RIMS3: variants seen among roughly 807,000 people sequenced by gnomAD.
RIMS3 encodes regulating synaptic membrane exocytosis protein 3.
A neutral mutation model predicts 29.2 loss-of-function variants in RIMS3; 15 were observed. That is an observed-to-expected ratio of 0.51 (90% CI 0.34 to 0.79). The LOEUF is 0.79. RIMS3 is among the 30% of genes least tolerant of loss of function. The pLI, the probability that RIMS3 is intolerant of heterozygous loss-of-function variation, is 0.01. For missense variants in RIMS3, 342 were observed against 421.4 expected, an observed-to-expected ratio of 0.81 and a Z score of 1.65; for synonymous variants, 161 against 170.1, an observed-to-expected ratio of 0.95 and a Z score of 0.41.
intron 3 of RIMS3, among the ~76,000 whole-genome samples, chr1:40,638,182 C>T (rs1483148905): frequency 6.6e-6 from 1 of 152,168 alleles, no homozygotes; most frequent in African/African-American, 2.4e-5. Context: ...GCCGAGAGAG[C>T]TGGGACTAGA....
the RIMS3 span, among the ~76,000 whole-genome samples, chr1:40,670,692 A>G: frequency 1.4e-5 from 2 of 147,460 alleles, no homozygotes; most frequent in Non-Finnish European, 3.0e-5. Flanking sequence ...AGGTTGAAGC[A>G]ATTCTTCTGC....
At chr1:40,648,110 G>A (rs1305974333) in intron 1 of RIMS3, among the ~76,000 whole-genome samples, 1 of 152,114 alleles carries the variant, frequency 6.6e-6, no homozygotes, top group African/African-American at 2.4e-5. Flanking sequence ...ACTTGGCCAG[G>A]ACCAACTGCT....
intron 3 of RIMS3, among the ~76,000 whole-genome samples, chr1:40,640,231 A>G (rs942692549): frequency 1.3e-5 from 2 of 151,986 alleles, no homozygotes; most frequent in Admixed American, 6.6e-5. Context: ...TCCTTGTCCC[A>G]GCCCAATTTC....
rs186859726 is a variant in RIMS3 at position 40,665,157 on chromosome 1, T to G, written c.-207+237A>C. 1.6e-3 allele frequency among the ~76,000 whole-genome samples: 248 copies of G among 152,238 alleles called. 1 individual carries two copies. Among genetic ancestry groups the G allele is most frequent in the African/African-American group, 5.8e-3 (243 of 41,548 alleles). The stretch of plus-strand genomic sequence containing the variant: ...AGCATCAGCAAAGAACTCAAGACTC[T>G]GGGCCCCCTTCCCCATTTTCCAGGC... On this transcript the variant is annotated intron_variant, in intron 1 of 7. Transcript: ENST00000372684.
In RIMS3 at chr1:40,627,176, G is replaced by A. The variant is rs528206249; in HGVS notation, c.715-447C>T. Among the ~76,000 whole-genome samples the A allele has an allele frequency of 2.6e-5, 4 of 152,254 alleles. No homozygotes were observed. The South Asian group carries it at 6.2e-4, about 24-fold the overall frequency. On this transcript the variant is annotated intron_variant, in intron 7 of 7. Coordinates refer to ENST00000372684, the MANE Select transcript of RIMS3 (RefSeq NM_014747.3). ...GCTCTAGCTGTGCTGCTGGCTTGCC[G>A]TGGGACTTGTGTAAGCTCCATGCCC...
At chr1:40,658,403 G>C (rs779376132) in intron 1 of RIMS3, among the ~76,000 whole-genome samples, 11 of 152,176 alleles carry the variant, frequency 7.2e-5, no homozygotes, top group Non-Finnish European at 1.3e-4. Flanking sequence ...ATGGAAGTTT[G>C]GGGCTCAGGC....
upstream of RIMS3, among the ~76,000 whole-genome samples, chr1:40,668,249 CAAAAAA>C (rs35624303): frequency 5.6e-5 from 6 of 106,408 alleles, no homozygotes; most frequent in Non-Finnish European, 5.5e-5. Context: ...GACTCTGTCT[CAAAAAA>C]AAAAAAAAAA....
chr1:40,685,842 A>G, the RIMS3 span, among the ~76,000 whole-genome samples: 2 of 151,936 alleles, frequency 1.3e-5, no homozygotes, highest in Non-Finnish European at 2.9e-5. Context: ...TACAACCTTT[A>G]AAGAAAAAAA....
At chr1:40,685,269 G>A in the RIMS3 span, among the ~76,000 whole-genome samples, 3 of 135,782 alleles carry the variant, frequency 2.2e-5, no homozygotes, top group East Asian at 6.2e-4. Context: ...AATTTATTAT[G>A]AAAAACATAA....
rs1034786473 is a variant in RIMS3 at position 40,636,066 on chromosome 1, C to A, written c.218-9G>T. ...CTTCTTGGTGGCCCCTTCTGTGACC[C>A]CCCCAACCCCAAGCACAGAGAGGGA... On this transcript the variant is annotated splice_polypyrimidine_tract_variant and intron_variant, in intron 3 of 7. Transcript: ENST00000372684. This position sits in a 1 kb window ranked among gnomAD's most constrained non-coding sequence, Gnocchi z 4.2. 1.9e-6 allele frequency: 3 copies of A among 1,602,090 alleles called. No homozygotes were observed. The highest frequency in any genetic ancestry group is 3.3e-4 in the Middle Eastern group (2 of 6,060).
rs1294932397 is a variant in RIMS3, at chr1:40,634,277, C to A, written c.360-1096G>T. On this transcript the variant is annotated intron_variant, in intron 4 of 7. Transcript: ENST00000372684. ...GGGAGGAAAAAGTAGGCTGTGTATGCTTGTCAGAGAGAGCCTGTGTCTCTC... is the reference window on the plus strand; with the variant it reads ...GGGAGGAAAAAGTAGGCTGTGTATGATTGTCAGAGAGAGCCTGTGTCTCTC... Among the ~76,000 whole-genome samples the A allele has an allele frequency of 2.0e-5, 3 of 152,166 alleles. No homozygotes were observed. In the East Asian group the frequency reaches 5.8e-4, roughly 29 times the overall value.
chr1:40,681,030 G>A, the RIMS3 span, among the ~76,000 whole-genome samples: 1 of 152,176 alleles, frequency 6.6e-6, no homozygotes, highest in South Asian at 2.1e-4. Flanking sequence ...TGTGCTCAGG[G>A]TCCCAAGAAC....
intron 1 of RIMS3, among the ~76,000 whole-genome samples, chr1:40,651,966 T>A (rs966251423): frequency 6.6e-6 from 1 of 152,184 alleles, no homozygotes; most frequent in African/African-American, 2.4e-5. Context: ...GCTTTTTTAT[T>A]GATTAATTGA....
chr1:40,663,436 T>C (rs1642380624), intron 1 of RIMS3, among the ~76,000 whole-genome samples: 1 of 152,058 alleles, frequency 6.6e-6, no homozygotes, highest in Admixed American at 6.5e-5. Flanking sequence ...AGTTCTCACA[T>C]GGCACTAATG....
Position 40,626,551 on chromosome 1 carries a change from G to A in RIMS3, c.893C>T (p.Ser298Phe). The A allele has an allele frequency of 6.2e-7, 1 of 1,612,564 alleles. No individual in the cohort carries two copies. Among genetic ancestry groups the A allele is most frequent in the Non-Finnish European group, 8.5e-7 (1 of 1,179,342 alleles). The change falls in exon 8 of 8, where the codon TCC (serine) becomes TTC (phenylalanine). Residue 298 changes from serine to phenylalanine, a missense_variant. Coordinates refer to ENST00000372684, the MANE Select transcript of RIMS3 (RefSeq NM_014747.3). The part of the protein sequence containing the change: ...GSLTRRLSQS[S>F]LESATSPSCS ...TGAGGGGCTGGTGGCACTCTCCAGG[G>A]AAGACTGGGACAGGCGCCTGGTGAG... is the stretch of plus-strand genomic sequence containing the variant.
chr1:40,657,787 G>A (rs918134432), intron 1 of RIMS3, among the ~76,000 whole-genome samples: 4 of 151,368 alleles, frequency 2.6e-5, no homozygotes, highest in African/African-American at 4.9e-5. Flanking sequence ...AGGCATGGTG[G>A]TGTGCACCTG....
chr1:40,664,589 A>C (rs1177974881), intron 1 of RIMS3, among the ~76,000 whole-genome samples: 2 of 152,148 alleles, frequency 1.3e-5, no homozygotes, highest in Non-Finnish European at 2.9e-5. Flanking sequence ...ACAGGCCCCA[A>C]GTGGCAGTGC....
chr1:40,648,229 C>T (rs1646607785), intron 1 of RIMS3, among the ~76,000 whole-genome samples: 1 of 152,200 alleles, frequency 6.6e-6, no homozygotes, highest in Non-Finnish European at 1.5e-5. Context: ...GGGACACACT[C>T]CTGGCTCTAC....
rs116130837 is a variant in RIMS3 at position 40,652,120 on chromosome 1, C to T, written c.-206-4278G>A. On this transcript the variant is annotated intron_variant, in intron 1 of 7. Coordinates refer to ENST00000372684, the MANE Select transcript of RIMS3 (RefSeq NM_014747.3). Reference sequence around the variant, plus strand: ...AGCCATCTCCACCATTCGCCTCTCCCTTGGCTTGTAGGATGTGGCTAGATG... The same window carrying T: ...AGCCATCTCCACCATTCGCCTCTCCTTTGGCTTGTAGGATGTGGCTAGATG... Among the ~76,000 whole-genome samples the T allele has an allele frequency of 2.3e-3, 347 of 152,324 alleles. 2 individuals carry two copies. The highest frequency in any genetic ancestry group is 8.1e-3 in the African/African-American group (336 of 41,580).
Sources: gnomAD v4.1 joint callset for allele counts (sites outside exome capture counted in the v4.1 genomes callset) on GRCh38, gnomAD v4.1.1 for gene constraint, Gnocchi (gnomAD v3.1) non-coding constraint, MANE v1.5 for transcripts, NCBI Gene and HGNC (gene_info 2026-07-23, HGNC 2026-07-21) for gene names.